PHACTR1: variants seen among roughly 807,000 people sequenced by gnomAD.
PHACTR1 encodes the protein phosphatase and actin regulator 1, also known as RPEL repeat containing 1.
PHACTR1 carries 16 observed loss-of-function variants against 69.2 expected under a neutral mutation model. The observed-to-expected ratio is 0.23, with a 90% CI of 0.16 to 0.35. The LOEUF is 0.35. PHACTR1 is among the 10% of genes least tolerant of loss of function. The pLI is 1.00. For synonymous variants in PHACTR1, 312 were observed against 284.5 expected, an observed-to-expected ratio of 1.10 and a Z score of -0.97; for missense variants, 510 against 734.7, an observed-to-expected ratio of 0.69 and a Z score of 3.54.
intron 8 of PHACTR1, among the ~76,000 whole-genome samples, chr6:13,226,171 T>C (rs919454702): frequency 4.6e-5 from 7 of 152,376 alleles, no homozygotes; most frequent in African/African-American, 1.7e-4. Context: ...ATTTAGTTCA[T>C]TGCCTTGAAC....
Position 13,272,862 on chromosome 6 carries a change from G to A in PHACTR1, c.1394G>A (p.Arg465Gln), listed in dbSNP as rs763375632. ...CTTTTCCTGGATTTTTTCCGTAGGC[G>A]GCTGAGCCAGAGGCCAACTGCAGAG... is the stretch of plus-strand genomic sequence containing the variant. ...RQQIGTKLTR[R>Q]LSQRPTAEEL... is the part of the protein sequence containing the mutation. Residue 465 changes from arginine (R) to glutamine (Q), a missense_variant and splice_region_variant, in exon 11 of 15, where the codon CGG (arginine) becomes CAG (glutamine). Arg to Gln is a conservative substitution (Grantham distance 43). This residue lies in a region of PHACTR1 where 91 missense variants were observed against 203.8 expected (regional missense o/e 0.45). Transcript: ENST00000332995. 14 of 1,613,918 alleles carry A rather than the reference G, an allele frequency of 8.7e-6. No individual in the cohort carries two copies. Among genetic ancestry groups the A allele is most frequent in the South Asian group, 2.2e-5 (2 of 91,094 alleles).
At chr6:12,866,928 A>G (rs1781521216) in intron 4 of PHACTR1, among the ~76,000 whole-genome samples, 1 of 152,294 alleles carries the variant, frequency 6.6e-6, no homozygotes, top group South Asian at 2.1e-4. Flanking sequence ...CAGGGCTACA[A>G]TGCCATTTTG....
At chr6:12,905,751 A>G (rs762839113) in intron 4 of PHACTR1, among the ~76,000 whole-genome samples, 1 of 152,186 alleles carries the variant, frequency 6.6e-6, no homozygotes, top group African/African-American at 2.4e-5. Flanking sequence ...CCATAAATTC[A>G]TATTGCTTTA....
At chr6:12,756,074 G>T (rs2127603323) in intron 4 of PHACTR1, among the ~76,000 whole-genome samples, 1 of 152,246 alleles carries the variant, frequency 6.6e-6, no homozygotes, top group African/African-American at 2.4e-5. Context: ...TTCATACGTA[G>T]ATTCTAACAC....
chr6:13,081,155 A>G lies in PHACTR1; in HGVS notation c.415+27626A>G, dbSNP rs147037303. 3.1e-3 allele frequency among the ~76,000 whole-genome samples: 469 copies of G among 152,310 alleles called. 2 individuals carry two copies. The highest frequency in any genetic ancestry group is 6.8e-3 in the Middle Eastern group (2 of 294). ...GTTGAAAAATAAAACAGTGGGTTATAGTAGTAATTGCTTTGAGCAGGGCTC... is the reference window on the plus strand; with the variant it reads ...GTTGAAAAATAAAACAGTGGGTTATGGTAGTAATTGCTTTGAGCAGGGCTC... On this transcript the variant is annotated intron_variant, in intron 5 of 14. Coordinates refer to ENST00000332995, the MANE Select transcript of PHACTR1 (RefSeq NM_030948.6).
chr6:12,786,403 C>T (rs1023984527), intron 4 of PHACTR1, among the ~76,000 whole-genome samples: 1 of 152,162 alleles, frequency 6.6e-6, no homozygotes, highest in Non-Finnish European at 1.5e-5. Context: ...AATTTCAAAG[C>T]TTCAAATATG....
chr6:12,745,720 C>T (rs577920081), intron 3 of PHACTR1, among the ~76,000 whole-genome samples: 1 of 152,322 alleles, frequency 6.6e-6, no homozygotes, highest in South Asian at 2.1e-4. Context: ...AAATACACCA[C>T]AGATATTTAT....
intron 11 of PHACTR1, chr6:13,276,213 G>A (rs1333806642): frequency 6.6e-6 from 1 of 152,084 alleles, no homozygotes; most frequent in African/African-American, 2.4e-5. Flanking sequence ...GCACTGTAGG[G>A]TAGGCTGGAG....
At chr6:13,224,644 G>C (rs1438096526) in intron 8 of PHACTR1, among the ~76,000 whole-genome samples, 1 of 150,622 alleles carries the variant, frequency 6.6e-6, no homozygotes, top group Non-Finnish European at 1.5e-5. Context: ...GTGTCTGTCA[G>C]CAGCAGGGCA....
At chr6:13,178,751 A>T (rs1346537759) in intron 6 of PHACTR1, among the ~76,000 whole-genome samples, 1 of 152,216 alleles carries the variant, frequency 6.6e-6, no homozygotes, top group Non-Finnish European at 1.5e-5. Context: ...TTAGAAGTTC[A>T]TGTAAAACAT....
chr6:12,794,895 A>T (rs1315849257), intron 4 of PHACTR1, among the ~76,000 whole-genome samples: 1 of 152,092 alleles, frequency 6.6e-6, no homozygotes, highest in African/African-American at 2.4e-5. Flanking sequence ...TTGTAGGAAG[A>T]GTTATGGATG....
In PHACTR1 at chr6:13,149,282, C is replaced by CT. The variant is rs1490746066; in HGVS notation, c.416-10921dup. Among the ~76,000 whole-genome samples the CT allele has an allele frequency of 4.3e-4, 66 of 152,270 alleles. 1 individual carries two copies. Among genetic ancestry groups the CT allele is most frequent in the Non-Finnish European group, 1.5e-5 (1 of 68,036 alleles). ...AACGAACTGGGGAGGAACGGTGAAA[C>CT]TGAGTTACACTGCTTCCTTTATTCC... On this transcript the variant is annotated intron_variant, in intron 5 of 14. Transcript: ENST00000332995.
chr6:12,911,571 AAAT>A (rs1433038552), intron 4 of PHACTR1, among the ~76,000 whole-genome samples: 1 of 152,194 alleles, frequency 6.6e-6, no homozygotes, highest in Non-Finnish European at 1.5e-5. Flanking sequence ...AACATATGTT[AAAT>A]AATAATGTGG....
intron 4 of PHACTR1, among the ~76,000 whole-genome samples, chr6:12,987,485 A>ATGTT (rs1314516060): frequency 6.6e-6 from 1 of 152,168 alleles, no homozygotes; most frequent in African/African-American, 2.4e-5. Flanking sequence ...CTGAAGACAA[A>ATGTT]TGTTTCTGTT....
intron 4 of PHACTR1, among the ~76,000 whole-genome samples, chr6:12,788,149 C>A: frequency 7.0e-6 from 1 of 142,354 alleles, no homozygotes; most frequent in African/African-American, 2.7e-5. Flanking sequence ...CAGAATGAGA[C>A]TCAATCTCAA....
chr6:13,149,802 C>T (rs1021381458), intron 5 of PHACTR1, among the ~76,000 whole-genome samples: 13 of 150,710 alleles, frequency 8.6e-5, no homozygotes, highest in Non-Finnish European at 1.5e-4. Context: ...CGTAAACTTT[C>T]TTAAAAAGTT....
chr6:13,140,047 A>G (rs907997626), intron 5 of PHACTR1, among the ~76,000 whole-genome samples: 6 of 152,214 alleles, frequency 3.9e-5, no homozygotes, highest in African/African-American at 1.4e-4. Context: ...GTAATGTTAG[A>G]TTCTCATGAT....
At chr6:13,050,984 G>A (rs1805850173) in intron 4 of PHACTR1, among the ~76,000 whole-genome samples, 1 of 152,006 alleles carries the variant, frequency 6.6e-6, no homozygotes, top group South Asian at 2.1e-4. Context: ...TGTGATTGCA[G>A]TGTCCTCCTG....
intron 4 of PHACTR1, among the ~76,000 whole-genome samples, chr6:12,753,865 G>A (rs1002370719): frequency 6.6e-6 from 1 of 151,510 alleles, no homozygotes; most frequent in Non-Finnish European, 1.5e-5. Flanking sequence ...AATAATGGAG[G>A]CCCATGATAT....
Sources: allele counts gnomAD v4.1 joint callset (sites outside exome capture counted in the v4.1 genomes callset), GRCh38; gene constraint gnomAD v4.1.1; regional missense constraint gnomAD v4.1.1; transcripts MANE v1.5; gene names NCBI Gene and HGNC (gene_info 2026-07-23, HGNC 2026-07-21).